Variants in NUMB observed in about 807,000 individuals in gnomAD.
NUMB encodes the protein NUMB endocytic adaptor protein, also known as protein numb homolog.
Under a neutral mutation model 59.7 loss-of-function variants are expected in NUMB, and 29 were observed. That is an observed-to-expected ratio of 0.49 (90% confidence interval 0.36 to 0.66). NUMB has a LOEUF of 0.66. Ranked by LOEUF, NUMB falls within the 30% of genes least tolerant of loss-of-function variation. The pLI, the probability that NUMB is intolerant of heterozygous loss-of-function variation, is 0.00. For missense variants in NUMB, 723 were observed against 822.0 expected, an observed-to-expected ratio of 0.88 and a Z score of 1.47; for synonymous variants, 288 against 288.2, an observed-to-expected ratio of 1.00 and a Z score of 0.01.
In NUMB at chr14:73,316,441, A is replaced by T. The variant is rs763188742; in HGVS notation, c.202-19T>A. ...TCCTTTCCTGGAGGAACAGGGGGAC[A>T]AGTCGAGTGCTATTATTGTATGGCC... On this transcript the variant is annotated intron_variant, in intron 5 of 12. Coordinates refer to ENST00000555238, the MANE Select transcript of NUMB (RefSeq NM_001005743.2). 1 of 1,612,866 alleles carries T rather than the reference A, an allele frequency of 6.2e-7. No individual in the cohort carries two copies. The highest frequency in any genetic ancestry group is 1.1e-5 in the South Asian group (1 of 90,984).
At chr14:73,296,744 G>A (rs1213195023) in intron 7 of NUMB, among the ~76,000 whole-genome samples, 2 of 152,122 alleles carry the variant, frequency 1.3e-5, no homozygotes, top group Admixed American at 1.3e-4. Flanking sequence ...TCTTACCTTA[G>A]GCCAGGCGTG....
At chr14:73,406,577 T>C (rs1006250655) in intron 2 of NUMB, among the ~76,000 whole-genome samples, 24 of 152,264 alleles carry the variant, frequency 1.6e-4, no homozygotes, top group African/African-American at 5.5e-4. Flanking sequence ...GTCTTTATAG[T>C]AGCATGATTT....
At chr14:73,449,556 T>C (rs1020646436) in intron 1 of NUMB, among the ~76,000 whole-genome samples, 3 of 152,204 alleles carry the variant, frequency 2.0e-5, no homozygotes, top group African/African-American at 7.2e-5. Flanking sequence ...AAGGGCTGAC[T>C]ATAATATGAT....
chr14:73,388,813 A>G (rs1895681880), intron 2 of NUMB, among the ~76,000 whole-genome samples: 1 of 151,746 alleles, frequency 6.6e-6, no homozygotes, highest in East Asian at 1.9e-4. Context: ...AAAAAATACA[A>G]TGGGCCGGGC....
intron 4 of NUMB, among the ~76,000 whole-genome samples, chr14:73,342,430 T>C (rs1174526533): frequency 6.6e-6 from 1 of 152,224 alleles, no homozygotes; most frequent in East Asian, 1.9e-4. Context: ...AACATTATTG[T>C]AGGTGCAGAA....
At chr14:73,408,255 AAGATAT>A (rs1896765370) in intron 2 of NUMB, among the ~76,000 whole-genome samples, 1 of 151,868 alleles carries the variant, frequency 6.6e-6, no homozygotes, top group Non-Finnish European at 1.5e-5. Context: ...AAAAAACGTT[AAGATAT>A]TTACCAGAAA....
intron 2 of NUMB, among the ~76,000 whole-genome samples, chr14:73,380,627 C>T (rs1566770549): frequency 6.6e-6 from 1 of 151,876 alleles, no homozygotes; most frequent in Non-Finnish European, 1.5e-5. Flanking sequence ...TGCCATGATC[C>T]CATAGATCTT....
intron 2 of NUMB, among the ~76,000 whole-genome samples, chr14:73,378,681 A>G (rs1351630991): frequency 6.6e-6 from 1 of 152,210 alleles, no homozygotes; most frequent in Non-Finnish European, 1.5e-5. Context: ...GACCCCAACT[A>G]CATGACATTT....
intron 2 of NUMB, among the ~76,000 whole-genome samples, chr14:73,380,273 G>A (rs1308451935): frequency 6.6e-6 from 1 of 152,180 alleles, no homozygotes; most frequent in Non-Finnish European, 1.5e-5. Context: ...TAATGAATTG[G>A]AAATACAGAG....
chr14:73,386,531 TG>T (rs1895530988), intron 2 of NUMB, among the ~76,000 whole-genome samples: 1 of 152,110 alleles, frequency 6.6e-6, no homozygotes, highest in Non-Finnish European at 1.5e-5. Flanking sequence ...GTTCTCTTAT[TG>T]GAATACAGTG....
At chr14:73,436,439 CCT>C (rs1193227191) in intron 1 of NUMB, among the ~76,000 whole-genome samples, 1 of 152,082 alleles carries the variant, frequency 6.6e-6, no homozygotes, top group Non-Finnish European at 1.5e-5. Context: ...GCCTCAGCCT[CCT>C]GAGTTTTAGC....
At chr14:73,384,156 CTTT>C (rs145759149) in intron 2 of NUMB, among the ~76,000 whole-genome samples, 1 of 145,126 alleles carries the variant, frequency 6.9e-6, no homozygotes, top group Admixed American at 6.9e-5. Flanking sequence ...GACAAAATTT[CTTT>C]TTTTTTTTTT....
chr14:73,351,371 C>G (rs1893250381), intron 4 of NUMB, among the ~76,000 whole-genome samples: 2 of 152,054 alleles, frequency 1.3e-5, no homozygotes, highest in Non-Finnish European at 2.9e-5. Context: ...ACTCGGGAGG[C>G]TAAGGCAGGA....
At chr14:73,325,439 G>T (rs1042255760) in intron 4 of NUMB, among the ~76,000 whole-genome samples, 2 of 152,172 alleles carry the variant, frequency 1.3e-5, no homozygotes, top group African/African-American at 4.8e-5. Context: ...GGGTGATAGA[G>T]AGAGACCCTG....
At chr14:73,367,819 AG>A (rs1894447237) in intron 2 of NUMB, among the ~76,000 whole-genome samples, 1 of 151,530 alleles carries the variant, frequency 6.6e-6, no homozygotes, top group Non-Finnish European at 1.5e-5. Flanking sequence ...ACTGATAGGA[AG>A]GAATATTTAC....
intron 4 of NUMB, among the ~76,000 whole-genome samples, chr14:73,343,621 G>A (rs928723062): frequency 6.6e-6 from 1 of 152,284 alleles, no homozygotes; most frequent in East Asian, 1.9e-4. Context: ...CTGTGTGTAT[G>A]TATGTAACGG....
intron 4 of NUMB, among the ~76,000 whole-genome samples, chr14:73,327,977 A>C (rs1316099096): frequency 6.6e-6 from 1 of 152,124 alleles, no homozygotes; most frequent in African/African-American, 2.4e-5. Context: ...TTTGCCTTTT[A>C]AAGAATTATC....
At chr14:73,319,217 C>T (rs970263283) in intron 5 of NUMB, among the ~76,000 whole-genome samples, 4 of 152,096 alleles carry the variant, frequency 2.6e-5, no homozygotes, top group South Asian at 2.1e-4. Context: ...GACCCAAGAT[C>T]GTGCCACTGC....
intron 1 of NUMB, among the ~76,000 whole-genome samples, chr14:73,440,337 C>T (rs900749045): frequency 6.7e-6 from 1 of 148,858 alleles, no homozygotes; most frequent in African/African-American, 2.5e-5. Flanking sequence ...TGTTGAGCCC[C>T]TTCCCCCACA....
Sources: gnomAD v4.1 joint callset for allele counts (sites outside exome capture counted in the v4.1 genomes callset) on GRCh38, gnomAD v4.1.1 for gene constraint, MANE v1.5 for transcripts, NCBI Gene and HGNC (gene_info 2026-07-23, HGNC 2026-07-21) for gene names.